ZC4H2: variants seen among roughly 807,000 people sequenced by gnomAD.
ZC4H2 encodes zinc finger C4H2 domain-containing protein.
For missense variants in ZC4H2, 137 were observed against 173.9 expected (o/e 0.79, Z 1.19); for synonymous variants, 84 against 66.3 (o/e 1.27, Z -1.30).
chrX:64,961,103 T>C (rs181274386), intron 1 of ZC4H2, among the ~76,000 whole-genome samples: 1 of 111,675 alleles, frequency 9.0e-6, no homozygotes, highest in Admixed American at 9.5e-5. Flanking sequence ...AGTTTGTCAA[T>C]GTTTCCTTAT....
intron 1 of ZC4H2, among the ~76,000 whole-genome samples, chrX:64,983,428 A>G (rs758053700): frequency 4.4e-4 from 49 of 111,712 alleles, no homozygotes; most frequent in Non-Finnish European, 8.5e-4. Context: ...ACAGGTTCCT[A>G]TTATCCTCTA....
At position 64,917,767 on chromosome X, in the gene ZC4H2, T is replaced by C. The variant is rs1928999808; in HGVS notation, c.*16A>G. ...AGGGGTTATAATTAGCAAAGCTTCA[T>C]GTGCTCTCCCTTTCTTTATTCATCC... On this transcript the variant is annotated 3_prime_UTR_variant, in exon 5 of 5. Coordinates refer to ENST00000374839, the MANE Select transcript of ZC4H2 (RefSeq NM_018684.4). 8.3e-7 allele frequency: 1 copy of C among 1,207,582 alleles called. No individual in the cohort carries two copies.
chrX:64,978,629 C>G (rs1443752574), upstream of ZC4H2, among the ~76,000 whole-genome samples: 1 of 111,571 alleles, frequency 9.0e-6, no homozygotes, highest in African/African-American at 3.3e-5. Flanking sequence ...AAAACTGACT[C>G]AGATAGGGAA....
At chrX:64,954,376 A>G (rs1287453919) in intron 1 of ZC4H2, among the ~76,000 whole-genome samples, 3 of 76,146 alleles carry the variant, frequency 3.9e-5, no homozygotes, top group African/African-American at 2.8e-4. Flanking sequence ...ATATATAATT[A>G]TATATATTTA....
chrX:64,938,433 T>C (rs1177997851), intron 1 of ZC4H2, among the ~76,000 whole-genome samples: 1 of 111,778 alleles, frequency 8.9e-6, no homozygotes, highest in Non-Finnish European at 1.9e-5. Flanking sequence ...TAACTTGTTT[T>C]ATGAGGCCAC....
chrX:64,955,161 T>C (rs766507498), intron 1 of ZC4H2, among the ~76,000 whole-genome samples: 1 of 111,889 alleles, frequency 8.9e-6, no homozygotes, highest in Non-Finnish European at 1.9e-5. Context: ...CAATATTTGG[T>C]TTGTCACACC....
intron 1 of ZC4H2, among the ~76,000 whole-genome samples, chrX:65,027,110 G>A (rs1932887259): frequency 8.9e-6 from 1 of 112,258 alleles, no homozygotes; most frequent in Non-Finnish European, 1.9e-5. Flanking sequence ...TAGGATGGAA[G>A]TGATGGAAAG....
At chrX:64,923,525 G>C (rs1481420132) in intron 1 of ZC4H2, among the ~76,000 whole-genome samples, 1 of 109,999 alleles carries the variant, frequency 9.1e-6, no homozygotes, top group African/African-American at 3.3e-5. Flanking sequence ...CCATCAGCCT[G>C]CTTGTCTTCA....
intron 1 of ZC4H2, among the ~76,000 whole-genome samples, chrX:64,954,366 ATATATAATTATATATATTTATAAT>A (rs1931056513): frequency 1.3e-5 from 1 of 75,120 alleles, no homozygotes; most frequent in African/African-American, 9.1e-5. Context: ...TTATATATAT[ATATATAATTATATATATTTATAAT>A]TATATATATA....
intron 1 of ZC4H2, among the ~76,000 whole-genome samples, chrX:64,998,190 T>G (rs1223428652): frequency 9.0e-6 from 1 of 110,890 alleles, no homozygotes; most frequent in African/African-American, 3.3e-5. Context: ...AAAATATAAA[T>G]AAATTAAACT....
rs1475718272 is a variant in ZC4H2 at position 64,917,558 on chromosome X, G to A, written c.*225C>T. 2.5e-6 allele frequency: 1 copy of A among 407,508 alleles called. No individual in the cohort carries two copies. The highest frequency in any genetic ancestry group is 4.1e-6 in the Non-Finnish European group (1 of 246,670). 33.6% of individuals were successfully genotyped at this position (407,508 alleles called of 1,213,427 possible). ...GGTTGAAATGTGAGTGGGAGAGAAG[G>A]GATCATCAGACACACTGTTTAGCAC... is the stretch of plus-strand genomic sequence containing the variant. On this transcript the variant is annotated 3_prime_UTR_variant, in exon 5 of 5. Transcript: ENST00000374839.
chrX:65,013,187 C>T (rs1336565703), intron 1 of ZC4H2, among the ~76,000 whole-genome samples: 1 of 111,920 alleles, frequency 8.9e-6, no homozygotes, highest in African/African-American at 3.3e-5. Context: ...GTGGTCTAAT[C>T]CAAGTCAGTG....
At chrX:64,989,093 C>T (rs750660586) in intron 1 of ZC4H2, among the ~76,000 whole-genome samples, 3 of 111,901 alleles carry the variant, frequency 2.7e-5, no homozygotes, top group South Asian at 7.5e-4. Context: ...TGTTTTGGTA[C>T]CAGTACCATG....
chrX:64,960,855 T>A (rs1003380585), intron 1 of ZC4H2, among the ~76,000 whole-genome samples: 1 of 112,082 alleles, frequency 8.9e-6, no homozygotes, highest in Non-Finnish European at 1.9e-5. Context: ...TTTGTTAAGA[T>A]GTGCTAATTG....
At chrX:64,918,895 C>G in intron 4 of ZC4H2, 147 bp downstream of exon 4, 2 of 698,697 alleles carry the variant, frequency 2.9e-6, no homozygotes, top group South Asian at 8.2e-5. Flanking sequence ...ACAGCACACC[C>G]ATGTCACCCC....
chrX:64,977,026 A>G (rs1004440267), upstream of ZC4H2, among the ~76,000 whole-genome samples: 3 of 111,576 alleles, frequency 2.7e-5, no homozygotes, highest in Admixed American at 9.5e-5. Context: ...TACCCATTCA[A>G]CAAACAATTA....
chrX:64,941,372 G>A (rs766631186), intron 1 of ZC4H2, among the ~76,000 whole-genome samples: 1 of 111,741 alleles, frequency 8.9e-6, no homozygotes, highest in Non-Finnish European at 1.9e-5. Context: ...CTTCCTATTT[G>A]AATACCATTA....
chrX:64,932,613 T>C (rs1929809887), intron 1 of ZC4H2, among the ~76,000 whole-genome samples: 1 of 111,596 alleles, frequency 9.0e-6, no homozygotes, highest in African/African-American at 3.2e-5. Context: ...CTTCCTTTCA[T>C]TTATGAAGCT....
Position 64,919,162 on chromosome X carries a change from C to G in ZC4H2, c.441G>C (p.Gln147His). 1.7e-6 allele frequency: 2 copies of G among 1,211,050 alleles called. No individual in the cohort carries two copies. Among genetic ancestry groups the G allele is most frequent in the Non-Finnish European group, 2.2e-6 (2 of 895,166 alleles). The change falls in exon 4 of 5, where the codon CAG becomes CAC. Residue 147 changes from glutamine (Q) to histidine (H), a missense_variant. Coordinates refer to ENST00000374839, the MANE Select transcript of ZC4H2 (RefSeq NM_018684.4). ...KQKAEWQTEP[Q>H]EPPIPESLAA... is the part of the protein sequence containing the mutation. ...CCAGGGACTCAGGGATGGGGGGCTC[C>G]TGAGGTTCTGTCTGCCATTCTGCTT...
Sources: allele counts gnomAD v4.1 joint callset (sites outside exome capture counted in the v4.1 genomes callset), GRCh38; gene constraint gnomAD v4.1.1; transcripts MANE v1.5; gene names NCBI Gene and HGNC (gene_info 2026-07-23, HGNC 2026-07-21).